Variants in NR6A1 observed in about 807,000 individuals in gnomAD.
NR6A1 encodes nuclear receptor subfamily 6 group A member 1, also known as retinoic acid receptor-related testis-associated receptor.
A neutral mutation model predicts 59.1 loss-of-function variants in NR6A1; 7 were observed. The observed-to-expected ratio is 0.12, with a 90% confidence interval of 0.07 to 0.22. The LOEUF is 0.22. Ranked by LOEUF, NR6A1 falls within the 10% of genes least tolerant of loss-of-function variation. The probability of loss-of-function intolerance (pLI) is 1.00; values close to 1 mark genes in which losing one functional copy is unlikely to be tolerated. For synonymous variants in NR6A1, 243 were observed against 236.1 expected, an observed-to-expected ratio of 1.03 and a Z score of -0.27; for missense variants, 468 against 611.6, an observed-to-expected ratio of 0.77 and a Z score of 2.48.
chr9:124,704,792 G>A (rs1303589326), intron 2 of NR6A1, among the ~76,000 whole-genome samples: 2 of 152,160 alleles, frequency 1.3e-5, no homozygotes, highest in Non-Finnish European at 2.9e-5. Flanking sequence ...CAGGCTGAGT[G>A]CAGTGGCACA....
chr9:124,715,437 G>A (rs192461121), intron 2 of NR6A1, among the ~76,000 whole-genome samples: 1 of 152,128 alleles, frequency 6.6e-6, no homozygotes, highest in East Asian at 1.9e-4. Flanking sequence ...CTGGAGGCTA[G>A]GCCAAGAGAA....
intron 2 of NR6A1, among the ~76,000 whole-genome samples, chr9:124,601,606 A>AAAAAG (rs200324904): frequency 1.1e-4 from 16 of 149,126 alleles, no homozygotes; most frequent in East Asian, 9.9e-4. Flanking sequence ...AAAAGAAAGA[A>AAAAAG]AAAAGAAAAG....
At chr9:124,625,154 C>A (rs1564206484) in intron 2 of NR6A1, among the ~76,000 whole-genome samples, 1 of 152,084 alleles carries the variant, frequency 6.6e-6, no homozygotes, top group South Asian at 2.1e-4. Flanking sequence ...AGGACCTGGG[C>A]AAGTTGTAGC....
chr9:124,582,879 G>A (rs1329607747), intron 2 of NR6A1, among the ~76,000 whole-genome samples: 2 of 151,946 alleles, frequency 1.3e-5, no homozygotes, highest in Non-Finnish European at 2.9e-5. Flanking sequence ...TCTCTCTAAA[G>A]AAAAAAAGAA....
intron 2 of NR6A1, among the ~76,000 whole-genome samples, chr9:124,647,728 A>G (rs550526081): frequency 7.6e-6 from 1 of 132,196 alleles, no homozygotes; most frequent in African/African-American, 3.2e-5. Flanking sequence ...CCGTCTCAAA[A>G]AAAAAAAAAA....
rs193040128 is a variant in NR6A1 at position 124,671,904 on chromosome 9, C to A, written c.142+61404G>T. Among the ~76,000 whole-genome samples the A allele has an allele frequency of 4.6e-5, 7 of 152,324 alleles. No homozygotes were observed. The East Asian group carries it at 1.3e-3, about 29-fold the overall frequency. ...TTACAAAGTGAACATACCTAGGAAA[C>A]CAACATCTAAATCAAGATGTAAAAC... On this transcript the variant is annotated intron_variant, in intron 2 of 9. Coordinates refer to ENST00000487099, the MANE Select transcript of NR6A1 (RefSeq NM_033334.4).
At chr9:124,709,544 G>C (rs1454338863) in intron 2 of NR6A1, among the ~76,000 whole-genome samples, 1 of 152,108 alleles carries the variant, frequency 6.6e-6, no homozygotes, top group African/African-American at 2.4e-5. Context: ...GCAGAAATGA[G>C]ACTCCACATA....
chr9:124,676,761 T>C (rs1837974756), intron 2 of NR6A1, among the ~76,000 whole-genome samples: 2 of 152,206 alleles, frequency 1.3e-5, no homozygotes. Context: ...CTCAGTAACC[T>C]CAAATGCAAA....
chr9:124,601,732 G>A (rs1201246884), intron 2 of NR6A1, among the ~76,000 whole-genome samples: 3 of 152,098 alleles, frequency 2.0e-5, no homozygotes, highest in Non-Finnish European at 2.9e-5. Flanking sequence ...GGAGGCAGAG[G>A]TGTGTGGATC....
intron 2 of NR6A1, among the ~76,000 whole-genome samples, chr9:124,626,807 G>A (rs1836257264): frequency 6.6e-6 from 1 of 152,134 alleles, no homozygotes; most frequent in African/African-American, 2.4e-5. Context: ...AGGGGCACAC[G>A]CCTGTAATCC....
chr9:124,722,754 G>A (rs993659982), intron 2 of NR6A1, among the ~76,000 whole-genome samples: 4 of 151,998 alleles, frequency 2.6e-5, no homozygotes, highest in East Asian at 1.9e-4. Context: ...TCTCACTCCC[G>A]ACACCCAGGC....
intron 2 of NR6A1, among the ~76,000 whole-genome samples, chr9:124,700,047 G>A (rs1047430521): frequency 6.6e-6 from 1 of 151,786 alleles, no homozygotes; most frequent in Non-Finnish European, 1.5e-5. Context: ...ATGGAGTTTC[G>A]CCATGTTGGC....
At chr9:124,723,691 T>C (rs1025333613) in intron 2 of NR6A1, among the ~76,000 whole-genome samples, 14 of 152,244 alleles carry the variant, frequency 9.2e-5, no homozygotes, top group African/African-American at 3.1e-4. Context: ...ATACACTTAA[T>C]AGTATTTACC....
intron 2 of NR6A1, among the ~76,000 whole-genome samples, chr9:124,579,683 A>G (rs1834704925): frequency 6.6e-6 from 1 of 152,192 alleles, no homozygotes; most frequent in Non-Finnish European, 1.5e-5. Context: ...AAAATAATAT[A>G]ATCACTATGG....
chr9:124,621,767 T>G (rs1335363979), intron 2 of NR6A1, among the ~76,000 whole-genome samples: 1 of 152,210 alleles, frequency 6.6e-6, no homozygotes, highest in East Asian at 1.9e-4. Flanking sequence ...CATTTCATTT[T>G]GTACAGAAAA....
At chr9:124,719,967 C>G (rs989772442) in intron 2 of NR6A1, among the ~76,000 whole-genome samples, 1 of 151,382 alleles carries the variant, frequency 6.6e-6, no homozygotes, top group African/African-American at 2.5e-5. Context: ...CAAGAGATGC[C>G]ATATAAAAAT....
chr9:124,564,610 G>A lies in NR6A1; in HGVS notation c.143-10040C>T, dbSNP rs190009483. On this transcript the variant is annotated intron_variant, in intron 2 of 9. Coordinates refer to ENST00000487099, the MANE Select transcript of NR6A1 (RefSeq NM_033334.4). ...TTAAGTAAATGGAGGGATATATGAC[G>A]CTCATGGATTGGAAGAGTCATTACA... is the stretch of plus-strand genomic sequence containing the variant. Among the ~76,000 whole-genome samples, 539 of 152,130 alleles carry A rather than the reference G, an allele frequency of 3.5e-3. 1 individual carries two copies. The highest frequency in any genetic ancestry group is 5.8e-3 in the Non-Finnish European group (392 of 68,012).
In NR6A1 at chr9:124,521,669, T is replaced by G. The variant is rs1208394766; in HGVS notation, c.*1036A>C. 1 of 152,184 alleles carries G rather than the reference T, an allele frequency of 6.6e-6. No individual in the cohort carries two copies. The highest frequency in any genetic ancestry group is 1.5e-5 in the Non-Finnish European group (1 of 68,056). The allele number at this position is 152,184 out of a possible 1,614,324, so 9.4% of individuals were successfully genotyped here. A position where few individuals can be genotyped will look rare whatever the true frequency, so the allele number is the denominator to read the frequency against. ...TTTCAAAAGGGGAGTGTCTATTCTT[T>G]TTGCAGTCTGGCCTTGCCCTACTAC... On this transcript the variant is annotated 3_prime_UTR_variant, in exon 10 of 10. Transcript: ENST00000487099.
intron 8 of NR6A1, 40 bp from the exon 9 acceptor site, chr9:124,524,913 T>G: frequency 6.4e-7 from 1 of 1,555,506 alleles, no homozygotes; most frequent in Non-Finnish European, 8.6e-7. Flanking sequence ...ATACAGGGAA[T>G]GGGATGGGCA....
Sources: gnomAD v4.1 joint callset for allele counts (sites outside exome capture counted in the v4.1 genomes callset) on GRCh38, gnomAD v4.1.1 for gene constraint, MANE v1.5 for transcripts, NCBI Gene and HGNC (gene_info 2026-07-23, HGNC 2026-07-21) for gene names.